CELF2: variants seen among roughly 807,000 people sequenced by gnomAD.
CELF2 encodes the protein CUGBP Elav-like family member 2, also known as CUG triplet repeat RNA-binding protein 2.
Under a neutral mutation model 62.6 loss-of-function variants are expected in CELF2, and 8 were observed. That is an observed-to-expected ratio of 0.13 (90% confidence interval 0.07 to 0.23). The LOEUF (loss-of-function observed/expected upper bound fraction) is 0.23. CELF2 is among the 10% of genes least tolerant of loss of function. The probability of loss-of-function intolerance (pLI) is 1.00; values close to 1 mark genes in which losing one functional copy is unlikely to be tolerated. For synonymous variants in CELF2, 258 were observed against 250.0 expected (o/e 1.03, Z -0.30); for missense variants, 333 against 671.0 (o/e 0.50, Z 5.56).
At chr10:10,919,920 A>G (rs1438514546) in intron 1 of CELF2, 1 of 1,200,866 alleles carries the variant, frequency 8.3e-7, no homozygotes, top group African/African-American at 1.6e-5. Context: ...TAATTCACCA[A>G]AATAAACTTA....
Position 11,008,722 on chromosome 10 carries a change from AG to A in CELF2, c.53+3284del, listed in dbSNP as rs200593752. Among the ~76,000 whole-genome samples, 1,913 of 152,294 alleles carry A rather than the reference AG, an allele frequency of 0.013. 43 individuals carry two copies. The highest frequency in any genetic ancestry group is 0.044 in the African/African-American group (1,814 of 41,558). On this transcript the variant is annotated intron_variant, in intron 1 of 12. Coordinates refer to the CELF2 transcript ENST00000416382. This position sits in a 1 kb window ranked among gnomAD's most constrained non-coding sequence, Gnocchi z 4.5. ...CGTGGGGACGATCATTCTGTATTTA[AG>A]GTGTCAGAATTCATAGACGAAAAGC...
Position 10,810,643 on chromosome 10 carries a change from G to A in CELF2, c.53+11826G>A, listed in dbSNP as rs573772022. 5.3e-5 allele frequency among the ~76,000 whole-genome samples: 8 copies of A among 152,268 alleles called. No homozygotes were observed. In the East Asian group the frequency reaches 1.5e-3, roughly 29 times the overall value. ...TATCAAAGAATGCAGGGGAGTGGAA[G>A]GGAAGATGGAGACCGGCAGAAGGAG... On this transcript the variant is annotated intron_variant, in intron 1 of 13. Coordinates refer to the CELF2 transcript ENST00000636488.
rs180847375 is a variant in CELF2, at chr10:11,277,954, A to G, written c.841+2834A>G. 9.8e-5 allele frequency among the ~76,000 whole-genome samples: 15 copies of G among 152,374 alleles called. 1 individual carries two copies. The highest frequency in any genetic ancestry group is 9.8e-4 in the Admixed American group (15 of 15,306). On this transcript the variant is annotated intron_variant, in intron 8 of 12. Coordinates refer to ENST00000633077, the MANE Select transcript of CELF2 (RefSeq NM_001326342.2). ...TAAAATTCAAGCAGTCCAGCCTGGA[A>G]TACTATCACCAAAAAGTGAAAACTG...
the CELF2 span, among the ~76,000 whole-genome samples, chr10:10,668,674 T>G: frequency 6.6e-6 from 1 of 152,156 alleles, no homozygotes; most frequent in Non-Finnish European, 1.5e-5. Context: ...AGGTTACATA[T>G]AGGCCAAGCA....
At chr10:10,614,197 G>A in the CELF2 span, among the ~76,000 whole-genome samples, 9 of 151,740 alleles carry the variant, frequency 5.9e-5, no homozygotes, top group East Asian at 1.7e-3. Flanking sequence ...TGATTAGGTT[G>A]ACCAGATGTC....
chr10:11,283,958 GT>G, intron 8 of CELF2, among the ~76,000 whole-genome samples: 1 of 72,400 alleles, frequency 1.4e-5, no homozygotes, highest in Non-Finnish European at 3.1e-5. Flanking sequence ...AGGGATGAGT[GT>G]GTGGTGGGTG....
intron 2 of CELF2, among the ~76,000 whole-genome samples, chr10:10,939,808 G>A (rs1444140553): frequency 1.3e-5 from 2 of 151,972 alleles, no homozygotes; most frequent in Non-Finnish European, 1.5e-5. Context: ...CAAAAAATTA[G>A]CCGGGCTTGG....
chr10:10,527,088 C>T, the CELF2 span, among the ~76,000 whole-genome samples: 1 of 152,164 alleles, frequency 6.6e-6, no homozygotes, highest in East Asian at 1.9e-4. Flanking sequence ...CTTCTTTCAC[C>T]ACTGCAGTAC....
At chr10:10,949,586 G>T (rs1479604609) in intron 2 of CELF2, among the ~76,000 whole-genome samples, 1 of 151,716 alleles carries the variant, frequency 6.6e-6, no homozygotes, top group Non-Finnish European at 1.5e-5. Flanking sequence ...GAGGCCAGGA[G>T]TTCAAGACCA....
At chr10:10,500,509 TATAAAG>T in the CELF2 span, among the ~76,000 whole-genome samples, 4 of 152,180 alleles carry the variant, frequency 2.6e-5, no homozygotes, top group Non-Finnish European at 5.9e-5. Flanking sequence ...ATAAAGGTTT[TATAAAG>T]CACAAATTCT....
chr10:10,536,337 G>C, the CELF2 span, among the ~76,000 whole-genome samples: 3 of 152,102 alleles, frequency 2.0e-5, no homozygotes, highest in African/African-American at 7.2e-5. Flanking sequence ...AATCTTATTG[G>C]AGTAATTTGC....
chr10:10,510,380 T>C, the CELF2 span, among the ~76,000 whole-genome samples: 1 of 152,208 alleles, frequency 6.6e-6, no homozygotes, highest in African/African-American at 2.4e-5. Context: ...TTAGGTTGTG[T>C]TGTTTGTGTG....
At chr10:10,735,714 A>C in the CELF2 span, among the ~76,000 whole-genome samples, 2 of 152,138 alleles carry the variant, frequency 1.3e-5, no homozygotes, top group African/African-American at 4.8e-5. Context: ...AAAGAGACCC[A>C]TTTGTCCTTG....
the CELF2 span, among the ~76,000 whole-genome samples, chr10:10,741,721 T>A: frequency 6.6e-6 from 1 of 152,248 alleles, no homozygotes; most frequent in Non-Finnish European, 1.5e-5. Context: ...CTTTGGTCAC[T>A]TGGTTAAGGC....
rs564999864 is a variant in CELF2, at chr10:11,294,362, T to C, written c.976+5810T>C. Among the ~76,000 whole-genome samples, 17 of 152,316 alleles carry C rather than the reference T, an allele frequency of 1.1e-4. No homozygotes were observed. In the South Asian group the frequency reaches 3.5e-3, roughly 32 times the overall value. On this transcript the variant is annotated intron_variant, in intron 9 of 12. Coordinates refer to ENST00000633077, the MANE Select transcript of CELF2 (RefSeq NM_001326342.2). ...ATAAGCAAGGTCCCATTTTGCTTTT[T>C]AGAGTATTTTTTACTTATACCACAC...
the CELF2 span, among the ~76,000 whole-genome samples, chr10:10,529,581 G>C: frequency 6.6e-6 from 1 of 151,168 alleles, no homozygotes. Context: ...CTACTCAGGA[G>C]GCTGAGGCAG....
rs546800657 is a variant in CELF2 at position 11,247,308 on chromosome 10, A to C, written c.355-1845A>C. Among the ~76,000 whole-genome samples, 2 of 152,260 alleles carry C rather than the reference A, an allele frequency of 1.3e-5. No individual in the cohort carries two copies. Among genetic ancestry groups the C allele is most frequent in the African/African-American group, 4.8e-5 (2 of 41,536 alleles). ...CCCCTTCCCGTGGTCCTCCATGCTC[A>C]CACTGGGAGCTCCCTGTGAGAGGGA... On this transcript the variant is annotated intron_variant, in intron 3 of 12. Coordinates refer to ENST00000633077, the MANE Select transcript of CELF2 (RefSeq NM_001326342.2). This position sits in a 1 kb window ranked among gnomAD's most constrained non-coding sequence, Gnocchi z 5.4.
the CELF2 span, among the ~76,000 whole-genome samples, chr10:10,771,931 A>G: frequency 9.5e-4 from 145 of 152,334 alleles, no homozygotes; most frequent in African/African-American, 3.1e-3. Flanking sequence ...GTTCTGATTA[A>G]TATATAGACG....
the CELF2 span, among the ~76,000 whole-genome samples, chr10:10,712,070 T>C: frequency 7.3e-4 from 109 of 150,166 alleles, no homozygotes; most frequent in East Asian, 0.017. Flanking sequence ...TTTCCCTGAA[T>C]TTCCTCATCT....
Sources: gnomAD v4.1 joint callset for allele counts (sites outside exome capture counted in the v4.1 genomes callset) on GRCh38, gnomAD v4.1.1 for gene constraint, Gnocchi (gnomAD v3.1) non-coding constraint, MANE v1.5 for transcripts, NCBI Gene and HGNC (gene_info 2026-07-23, HGNC 2026-07-21) for gene names.